The following COL4A6 variants were observed in gnomAD, a reference collection of about 807,000 sequenced individuals.
COL4A6 encodes collagen alpha-6(IV) chain.
COL4A6 carries 59 observed loss-of-function variants against 126.7 expected under a neutral mutation model. The observed-to-expected ratio is 0.47, with a 90% CI of 0.38 to 0.58. The LOEUF is 0.58. Ranked by LOEUF, COL4A6 falls within the 20% of genes least tolerant of loss-of-function variation. The pLI is 0.00. For synonymous variants in COL4A6, 547 were observed against 496.6 expected, an observed-to-expected ratio of 1.10 and a Z score of -1.35; for missense variants, 1,285 against 1,337.3, an observed-to-expected ratio of 0.96 and a Z score of 0.61.
chrX:108,282,264 A>G lies in COL4A6; in HGVS notation c.144+28484T>C, dbSNP rs1603004099. Reference sequence around the variant, plus strand: ...CCTACTCATCTGACAAAGGGCTAATATCCAGAATCTACAATGAACTCAAAC... The same window carrying G: ...CCTACTCATCTGACAAAGGGCTAATGTCCAGAATCTACAATGAACTCAAAC... On this transcript the variant is annotated intron_variant, in intron 3 of 44. Transcript: ENST00000334504. 3.1e-5 allele frequency among the ~76,000 whole-genome samples: 3 copies of G among 96,189 alleles called. 1 individual carries two copies. In the Admixed American group the frequency reaches 3.5e-4, roughly 11 times the overall value. 83.5% of individuals were successfully genotyped at this position (96,189 alleles called of 115,157 possible). A position where few individuals can be genotyped will look rare whatever the true frequency, so the allele number is the denominator to read the frequency against.
At position 108,250,416 on chromosome X, in the gene COL4A6, C is replaced by G. The variant is rs1023556623; in HGVS notation, c.145-29042G>C. 5.4e-5 allele frequency among the ~76,000 whole-genome samples: 6 copies of G among 110,792 alleles called. No homozygotes were observed. In the Admixed American group the frequency reaches 5.7e-4, roughly 11 times the overall value. ...CTTTATTTATCTCAATTCCTCTTGG[C>G]CAAAGTCTATGAAATAATTAATTCT... On this transcript the variant is annotated intron_variant, in intron 3 of 44. Transcript: ENST00000334504.
chrX:108,221,757 G>A (rs1346397485), intron 3 of COL4A6, among the ~76,000 whole-genome samples: 3 of 112,480 alleles, frequency 2.7e-5, no homozygotes, highest in Non-Finnish European at 3.8e-5. Context: ...TATAACTCAC[G>A]TCCAAATGGC....
At chrX:108,298,143 C>T (rs1406206418) in intron 3 of COL4A6, among the ~76,000 whole-genome samples, 1 of 111,652 alleles carries the variant, frequency 9.0e-6, no homozygotes, top group African/African-American at 3.3e-5. Context: ...GTGAGTCTAG[C>T]GCTCTCCCTT....
intron 3 of COL4A6, among the ~76,000 whole-genome samples, chrX:108,244,627 G>A (rs753471491): frequency 8.9e-6 from 1 of 111,851 alleles, no homozygotes; most frequent in African/African-American, 3.2e-5. Flanking sequence ...TCAGTACTTC[G>A]TGAACAAGAC....
chrX:108,344,953 G>C (rs1196099199), intron 2 of COL4A6, among the ~76,000 whole-genome samples: 2 of 111,837 alleles, frequency 1.8e-5, no homozygotes, highest in East Asian at 5.6e-4. Context: ...CCATGGGTGG[G>C]GGATGAATGT....
At chrX:108,350,774 T>TA (rs1408176870) in intron 2 of COL4A6, among the ~76,000 whole-genome samples, 5 of 110,226 alleles carry the variant, frequency 4.5e-5, no homozygotes, top group South Asian at 7.7e-4. Flanking sequence ...TGTAATTGAT[T>TA]TTTTTTTTGA....
chrX:108,160,402 G>A, intron 43 of COL4A6, 61 bp downstream of exon 43: 5 of 1,073,933 alleles, frequency 4.7e-6, no homozygotes, highest in Non-Finnish European at 6.3e-6. Context: ...GAAGAGAGGG[G>A]TTGGCTGTTG....
chrX:108,354,460 C>T (rs1188091662), intron 2 of COL4A6, among the ~76,000 whole-genome samples: 2 of 111,449 alleles, frequency 1.8e-5, no homozygotes, highest in East Asian at 5.7e-4. Flanking sequence ...CTATTACAGG[C>T]ATAATATAGC....
chrX:108,408,484 A>G (rs751663846), intron 2 of COL4A6, among the ~76,000 whole-genome samples: 7 of 112,000 alleles, frequency 6.3e-5, no homozygotes, highest in Non-Finnish European at 1.1e-4. Flanking sequence ...ATCTGCAGCC[A>G]TTTGCACTTA....
rs773164747 is a variant in COL4A6, at chrX:108,160,788, A to G, written c.4334-134T>C. 146 of 569,425 alleles carry G rather than the reference A, an allele frequency of 2.6e-4. No individual in the cohort carries two copies. The African/African-American group carries it at 3.3e-3, about 13-fold the overall frequency. 46.9% of individuals were successfully genotyped at this position (569,425 alleles called of 1,213,427 possible). On this transcript the variant is annotated intron_variant, in intron 42 of 44. Transcript: ENST00000334504. ...CACTCAATCCTCACGATGACCCTGGAAAATGGTATTACCACCCCAATTTTT... is the reference window on the plus strand; with the variant it reads ...CACTCAATCCTCACGATGACCCTGGGAAATGGTATTACCACCCCAATTTTT...
chrX:108,165,000 G>C lies in COL4A6; in HGVS notation c.3847C>G (p.Pro1283Ala). The change falls in exon 39 of 45, where the codon CCA becomes GCA. Residue 1283 changes from proline (P) to alanine (A), a missense_variant. Pro to Ala is a conservative substitution (Grantham distance 27). Transcript: ENST00000334504. ...GPAGPPGPPG[P>A]SSNQGDTGDP... ...CCGGTGTCGCCTTGATTCGAGGATGGCCCAGGGGGACCTGGGGGTCCAGCG... is the reference window on the plus strand; with the variant it reads ...CCGGTGTCGCCTTGATTCGAGGATGCCCCAGGGGGACCTGGGGGTCCAGCG... 8.3e-7 allele frequency: 1 copy of C among 1,209,865 alleles called. No homozygotes were observed. Among genetic ancestry groups the C allele is most frequent in the Non-Finnish European group, 1.1e-6 (1 of 894,876 alleles).
At chrX:108,308,872 C>T (rs914120343) in intron 3 of COL4A6, among the ~76,000 whole-genome samples, 2 of 111,501 alleles carry the variant, frequency 1.8e-5, no homozygotes, top group Non-Finnish European at 3.8e-5. Flanking sequence ...ACAAGGAGGC[C>T]TACTCTAAGA....
chrX:108,324,030 T>G (rs1737742730), intron 2 of COL4A6, among the ~76,000 whole-genome samples: 1 of 112,317 alleles, frequency 8.9e-6, no homozygotes, highest in Non-Finnish European at 1.9e-5. Context: ...TGTCTGCTAA[T>G]TTATAACATG....
In COL4A6 at chrX:108,206,539, A is replaced by G; in HGVS notation, c.588T>C (p.Pro196=). The part of the protein sequence containing the change: ...GAPGFPGAVG[P]AGPPGLQGPP... ...TTACTTGTAATCCTGGTGGTCCTGC[A>G]GGTCCTACAGCTCCAGGAAATCCGG... Residue 196 remains proline, a synonymous_variant, in exon 9 of 45, where the codon CCT becomes CCC. Transcript: ENST00000334504. The G allele has an allele frequency of 8.3e-7, 1 of 1,210,474 alleles. No individual in the cohort carries two copies. Among genetic ancestry groups the G allele is most frequent in the Non-Finnish European group, 1.1e-6 (1 of 894,403 alleles).
At chrX:108,370,988 C>A (rs1297690236) in intron 2 of COL4A6, among the ~76,000 whole-genome samples, 1 of 110,901 alleles carries the variant, frequency 9.0e-6, no homozygotes, top group African/African-American at 3.3e-5. Context: ...CTGTGCTCTA[C>A]CAAGACTTAG....
At chrX:108,221,452 G>A (rs2148264566) in intron 3 of COL4A6, 78 bp from the exon 4 acceptor site, 1 of 1,078,154 alleles carries the variant, frequency 9.3e-7, no homozygotes, top group East Asian at 3.1e-5. Context: ...CGCACAAAGA[G>A]CACTGTCATA....
intron 3 of COL4A6, among the ~76,000 whole-genome samples, chrX:108,225,844 T>C (rs1252084740): frequency 8.9e-6 from 1 of 112,772 alleles, no homozygotes; most frequent in East Asian, 2.8e-4. Flanking sequence ...TCTTCTCCCA[T>C]AAAATTAACA....
chrX:108,393,811 T>G (rs1469766543), intron 2 of COL4A6, among the ~76,000 whole-genome samples: 1 of 112,229 alleles, frequency 8.9e-6, no homozygotes, highest in Non-Finnish European at 1.9e-5. Context: ...AAAGGAACGC[T>G]TTTACACTGT....
In COL4A6 at chrX:108,232,614, C is replaced by T. The variant is rs200006303; in HGVS notation, c.145-11240G>A. ...TTCTAGCAAACTTGAATTGATGTCA[C>T]CTTTGCCTCTTAAAAAAGTCTCCTG... On this transcript the variant is annotated intron_variant, in intron 3 of 44. Coordinates refer to ENST00000334504, the MANE Select transcript of COL4A6 (RefSeq NM_033641.4). 1.3e-4 allele frequency among the ~76,000 whole-genome samples: 14 copies of T among 111,996 alleles called. 1 individual carries two copies. The East Asian group carries it at 3.9e-3, about 31-fold the overall frequency.
Sources: gnomAD v4.1 joint callset for allele counts (sites outside exome capture counted in the v4.1 genomes callset) on GRCh38, gnomAD v4.1.1 for gene constraint, MANE v1.5 for transcripts, NCBI Gene and HGNC (gene_info 2026-07-23, HGNC 2026-07-21) for gene names.